The following N4BP2 variants were observed in gnomAD, a reference collection of about 807,000 sequenced individuals.
The protein encoded by N4BP2 is NEDD4-binding protein 2.
Under a neutral mutation model 152.8 loss-of-function variants are expected in N4BP2, and 91 were observed. That is an observed-to-expected ratio of 0.60 (90% CI 0.50 to 0.71). The LOEUF (loss-of-function observed/expected upper bound fraction) is 0.71. N4BP2 is among the 30% of genes least tolerant of loss of function. N4BP2 has a pLI of 0.00. For missense variants in N4BP2, 1,923 were observed against 2,059.1 expected (o/e 0.93, Z 1.28); for synonymous variants, 646 against 705.3 (o/e 0.92, Z 1.33).
At chr4:40,070,978 C>T (rs955955534) in intron 1 of N4BP2, among the ~76,000 whole-genome samples, 2 of 152,006 alleles carry the variant, frequency 1.3e-5, no homozygotes, top group Non-Finnish European at 2.9e-5. Context: ...GTGTCCGCCA[C>T]CATGCCTGGC....
chr4:40,061,769 A>T (rs1733674763), intron 1 of N4BP2, among the ~76,000 whole-genome samples: 1 of 151,334 alleles, frequency 6.6e-6, no homozygotes, highest in Non-Finnish European at 1.5e-5. Flanking sequence ...CATTCAAGTG[A>T]TTCTCCTGCC....
chr4:40,120,527 A>C lies in N4BP2; in HGVS notation c.2416A>C (p.Lys806Gln). The part of the protein sequence containing the change: ...TIGQRTKRNR[K>Q]TEKTSSVQSD... ...TGGTCAGAGGACAAAAAGGAACAGA[A>C]AAACTGAAAAAACTTCATCCGTACA... is the stretch of plus-strand genomic sequence containing the variant. The change falls in exon 9 of 18, where the codon AAA becomes CAA. Residue 806 changes from lysine to glutamine, a missense_variant. Physicochemically the swap from Lys to Gln is moderately conservative, Grantham distance 53. Transcript: ENST00000261435. The C allele has an allele frequency of 1.2e-6, 2 of 1,613,446 alleles. No individual in the cohort carries two copies. Among genetic ancestry groups the C allele is most frequent in the Non-Finnish European group, 1.7e-6 (2 of 1,179,866 alleles).
At chr4:40,186,594 C>G in the N4BP2 span, among the ~76,000 whole-genome samples, 17 of 152,336 alleles carry the variant, frequency 1.1e-4, no homozygotes, top group East Asian at 3.1e-3. Flanking sequence ...CTAGAGGTTG[C>G]CTCTATAAAC....
At chr4:40,077,495 C>A (rs539394451) in intron 2 of N4BP2, among the ~76,000 whole-genome samples, 29 of 150,876 alleles carry the variant, frequency 1.9e-4, no homozygotes, top group South Asian at 1.5e-3. Flanking sequence ...GCTCTGTCAC[C>A]CAGGCTAGAG....
At chr4:40,109,375 A>G (rs1716641264) in intron 5 of N4BP2, among the ~76,000 whole-genome samples, 1 of 152,114 alleles carries the variant, frequency 6.6e-6, no homozygotes, top group Non-Finnish European at 1.5e-5. Flanking sequence ...AAAAGGGAAT[A>G]ATAATACTTA....
chr4:40,145,822 T>C (rs1056625298), intron 16 of N4BP2, among the ~76,000 whole-genome samples: 5 of 152,106 alleles, frequency 3.3e-5, no homozygotes, highest in African/African-American at 1.2e-4. Context: ...GTAGGATAGA[T>C]AACAGTGAAA....
chr4:40,124,291 A>G, intron 11 of N4BP2, 86 bp downstream of exon 11: 1 of 892,878 alleles, frequency 1.1e-6, no homozygotes, highest in Non-Finnish European at 1.8e-6. Flanking sequence ...AATTACTTCC[A>G]CAAAATACGG....
At chr4:40,123,550 A>G (rs1164847225) in intron 10 of N4BP2, among the ~76,000 whole-genome samples, 1 of 152,140 alleles carries the variant, frequency 6.6e-6, no homozygotes, top group Non-Finnish European at 1.5e-5. Context: ...CAGTGGCACA[A>G]TCATAGCTCA....
At chr4:40,085,751 A>G (rs1180184613) in intron 2 of N4BP2, among the ~76,000 whole-genome samples, 1 of 152,188 alleles carries the variant, frequency 6.6e-6, no homozygotes, top group Admixed American at 6.6e-5. Context: ...TGGAGAAGAA[A>G]GCCAGTTCTT....
At chr4:40,140,592 A>ATTT (rs1401806824) in intron 14 of N4BP2, among the ~76,000 whole-genome samples, 2 of 146,780 alleles carry the variant, frequency 1.4e-5, no homozygotes, top group African/African-American at 2.5e-5. Context: ...TTTTTTTTTA[A>ATTT]AATTAATTTA....
Position 40,103,088 on chromosome 4 carries a change from G to T in N4BP2, c.1243G>T (p.Asp415Tyr). Reference sequence around the variant, plus strand: ...CCCAACAAAAGTATGGAGAAATAAAGATGGAACAAGTGCTTATCAAGTACA... The same window carrying T: ...CCCAACAAAAGTATGGAGAAATAAATATGGAACAAGTGCTTATCAAGTACA... ...TSPTKVWRNK[D>Y]GTSAYQVQET... is the part of the protein sequence containing the mutation. Residue 415 changes from aspartate (D) to tyrosine (Y), a missense_variant, in exon 4 of 18, where the codon GAT becomes TAT. By Grantham distance (160) the Asp-to-Tyr change is radical. Coordinates refer to ENST00000261435, the MANE Select transcript of N4BP2 (RefSeq NM_018177.6). 6.2e-7 allele frequency: 1 copy of T among 1,614,158 alleles called. No homozygotes were observed. The highest frequency in any genetic ancestry group is 8.5e-7 in the Non-Finnish European group (1 of 1,180,012).
chr4:40,125,151 G>C (rs1485323519), intron 11 of N4BP2, among the ~76,000 whole-genome samples: 1 of 152,108 alleles, frequency 6.6e-6, no homozygotes, highest in African/African-American at 2.4e-5. Context: ...CCAGACCTGT[G>C]CTCATGTCAT....
chr4:40,178,946 TC>T, the N4BP2 span, among the ~76,000 whole-genome samples: 1 of 152,170 alleles, frequency 6.6e-6, no homozygotes, highest in Non-Finnish European at 1.5e-5. Flanking sequence ...ACTGCCCTTC[TC>T]ATTTTCTGTC....
chr4:40,061,367 T>G (rs192956339), intron 1 of N4BP2, among the ~76,000 whole-genome samples: 2 of 151,566 alleles, frequency 1.3e-5, no homozygotes, highest in African/African-American at 4.8e-5. Flanking sequence ...TTTATTTATT[T>G]ATTTATTTAT....
the N4BP2 span, among the ~76,000 whole-genome samples, chr4:40,182,866 G>A: frequency 1.3e-5 from 2 of 151,970 alleles, no homozygotes; most frequent in South Asian, 2.1e-4. Flanking sequence ...TAGTAGAGAC[G>A]GGGTTTCACC....
intron 1 of N4BP2, among the ~76,000 whole-genome samples, chr4:40,066,164 T>G (rs1734025974): frequency 6.6e-6 from 1 of 151,896 alleles, no homozygotes; most frequent in Non-Finnish European, 1.5e-5. Flanking sequence ...CCCTTGACCT[T>G]GTGATCCACC....
At chr4:40,126,704 C>T (rs1174387245) in intron 12 of N4BP2, among the ~76,000 whole-genome samples, 1 of 152,152 alleles carries the variant, frequency 6.6e-6, no homozygotes. Flanking sequence ...CTCCAGGGCT[C>T]AAGTGATCCT....
intron 7 of N4BP2, among the ~76,000 whole-genome samples, chr4:40,115,085 TCATTATTCTA>T (rs1442471010): frequency 5.3e-5 from 8 of 152,224 alleles, no homozygotes; most frequent in Admixed American, 5.2e-4. Flanking sequence ...TTTCTGCTTC[TCATTATTCTA>T]CCTTTATTGC....
chr4:40,063,995 A>G (rs1733850198), intron 1 of N4BP2, among the ~76,000 whole-genome samples: 1 of 151,732 alleles, frequency 6.6e-6, no homozygotes, highest in South Asian at 2.1e-4. Flanking sequence ...GGGGGGTCTC[A>G]CTATGTTGCC....
Sources: gnomAD v4.1 joint callset for allele counts (sites outside exome capture counted in the v4.1 genomes callset) on GRCh38, gnomAD v4.1.1 for gene constraint, MANE v1.5 for transcripts, NCBI Gene and HGNC (gene_info 2026-07-23, HGNC 2026-07-21) for gene names.